The following RYR2 variants were observed in gnomAD, a reference collection of about 807,000 sequenced individuals.
RYR2 encodes ryanodine receptor 2.
Under a neutral mutation model 601.1 loss-of-function variants are expected in RYR2, and 227 were observed. The observed-to-expected ratio is 0.38, with a 90% CI of 0.34 to 0.42. The LOEUF (loss-of-function observed/expected upper bound fraction) is 0.42. Among genes scored for constraint, RYR2 ranks in the 10% least tolerant of loss-of-function variants. RYR2 has a pLI of 1.00. For synonymous variants in RYR2, 2,223 were observed against 2,175.1 expected, an observed-to-expected ratio of 1.02 and a Z score of -0.61; for missense variants, 4,646 against 6,156.5, an observed-to-expected ratio of 0.75 and a Z score of 8.21.
At chr1:237,628,874 A>G (rs1381503833) in intron 41 of RYR2, among the ~76,000 whole-genome samples, 1 of 152,098 alleles carries the variant, frequency 6.6e-6, no homozygotes, top group Admixed American at 6.5e-5. Flanking sequence ...GTCTTTATCT[A>G]TTGGGCCTTG....
chr1:237,362,054 T>C (rs2149716304), intron 4 of RYR2, among the ~76,000 whole-genome samples: 1 of 152,320 alleles, frequency 6.6e-6, no homozygotes, highest in South Asian at 2.1e-4. Flanking sequence ...GCAATAGCAA[T>C]TTCTCTTCCT....
At chr1:237,337,623 G>A (rs1463845856) in intron 3 of RYR2, among the ~76,000 whole-genome samples, 1 of 152,166 alleles carries the variant, frequency 6.6e-6, no homozygotes, top group Non-Finnish European at 1.5e-5. Flanking sequence ...AATAATATAA[G>A]TAAAGTGTGT....
Position 237,536,885 on chromosome 1 carries a change from C to CAAAAAAAAAAAAAA in RYR2, c.2906+6385_2906+6386insAAAAAAAAAAAAAA, listed in dbSNP as rs540538447. Among the ~76,000 whole-genome samples, 399 of 139,102 alleles carry CAAAAAAAAAAAAAA rather than the reference C, an allele frequency of 2.9e-3. 2 individuals are homozygous for CAAAAAAAAAAAAAA. Among genetic ancestry groups the CAAAAAAAAAAAAAA allele is most frequent in the African/African-American group, 0.01 (381 of 36,898 alleles). The allele number at this position is 139,102 out of a possible 152,430, so 91.3% of individuals were successfully genotyped here. A position where few individuals can be genotyped will look rare whatever the true frequency, so the allele number is the denominator to read the frequency against. ...TGGGCGACAGAGCGAGACTCCATCT[C>CAAAAAAAAAAAAAA]AAAAAAAAAAGACTTGCAGAACAAT... On this transcript the variant is annotated intron_variant, in intron 25 of 104. Coordinates refer to ENST00000366574, the MANE Select transcript of RYR2 (RefSeq NM_001035.3).
rs866864278 is a variant in RYR2 at position 237,669,630 on chromosome 1, A to G, written c.8590+1672A>G. Among the ~76,000 whole-genome samples the G allele has an allele frequency of 2.5e-4, 37 of 145,372 alleles. 1 individual carries two copies. Among genetic ancestry groups the G allele is most frequent in the African/African-American group, 5.5e-4 (21 of 38,528 alleles). On this transcript the variant is annotated intron_variant, in intron 58 of 104. Transcript: ENST00000366574. ...TCTCAGACGGGGCGGCCGGGCAGAG[A>G]CGCTCCTCACATCCCAGACGGGGCG...
At position 237,216,824 on chromosome 1, in the gene RYR2, C is replaced by T. The variant is rs563034626; in HGVS notation, c.49-53673C>T. On this transcript the variant is annotated intron_variant, in intron 1 of 104. Transcript: ENST00000366574. ...AAACCCCTATAATGTGTTCAATATA[C>T]TATATAGGTATTGCAATTTGAAGCA... 4.0e-5 allele frequency among the ~76,000 whole-genome samples: 6 copies of T among 151,420 alleles called. No homozygotes were observed. In the South Asian group the frequency reaches 1.0e-3, roughly 26 times the overall value.
rs1172717187 is a variant in RYR2, at chr1:237,346,359, G to A, written c.274-9606G>A. ...ACTCCGGCCTGGGCAAAGTGAGAGG[G>A]TCTACCTCAAAAAAAAAAAAAAAAA... On this transcript the variant is annotated intron_variant, in intron 3 of 104. Coordinates refer to ENST00000366574, the MANE Select transcript of RYR2 (RefSeq NM_001035.3). Among the ~76,000 whole-genome samples the A allele has an allele frequency of 2.9e-5, 3 of 102,926 alleles. No individual in the cohort carries two copies. The East Asian group carries it at 1.2e-3, about 41-fold the overall frequency. The allele number at this position is 102,926 out of a possible 152,430, so 67.5% of individuals were successfully genotyped here.
chr1:237,066,729 C>G (rs945465219), intron 1 of RYR2, among the ~76,000 whole-genome samples: 2 of 151,952 alleles, frequency 1.3e-5, no homozygotes, highest in African/African-American at 4.8e-5. Flanking sequence ...GCAAGCTCCA[C>G]CTCCCGGGTT....
chr1:237,568,097 A>G (rs1672287001), intron 28 of RYR2, among the ~76,000 whole-genome samples: 1 of 152,148 alleles, frequency 6.6e-6, no homozygotes, highest in Admixed American at 6.6e-5. Context: ...AACCTGAGGA[A>G]GTTAAAATAA....
intron 63 of RYR2, among the ~76,000 whole-genome samples, chr1:237,694,293 CAAAAAAA>C (rs35085689): frequency 1.1e-5 from 1 of 91,924 alleles, no homozygotes; most frequent in Non-Finnish European, 2.2e-5. Flanking sequence ...GACTCCCTCT[CAAAAAAA>C]AAAAAAAAAA....
At chr1:237,073,722 T>A (rs1664660142) in intron 1 of RYR2, among the ~76,000 whole-genome samples, 1 of 152,028 alleles carries the variant, frequency 6.6e-6, no homozygotes, top group Admixed American at 6.6e-5. Context: ...ATAAAAAAAA[T>A]TAGCTGGGTG....
In RYR2 at chr1:237,659,889, G is replaced by T. The variant is rs1683605024; in HGVS notation, c.8209-96G>T. 5.7e-6 allele frequency: 4 copies of T among 697,714 alleles called. No homozygotes were observed. In the East Asian group the frequency reaches 1.3e-4, roughly 23 times the overall value. The allele number at this position is 697,714 out of a possible 1,614,324, so 43.2% of individuals were successfully genotyped here. ...TAACCCTTACCTTAGTTCATTTTAG[G>T]TTTATTTTATCAAACACGCACTTAA... On this transcript the variant is annotated intron_variant, in intron 54 of 104. Transcript: ENST00000366574.
At chr1:237,476,096 G>T (rs1402818310) in intron 17 of RYR2, among the ~76,000 whole-genome samples, 1 of 152,208 alleles carries the variant, frequency 6.6e-6, no homozygotes, top group Non-Finnish European at 1.5e-5. Flanking sequence ...TTTTTGTGTA[G>T]TCTGTTCCCT....
intron 101 of RYR2, among the ~76,000 whole-genome samples, chr1:237,820,239 C>G (rs1662318466): frequency 6.7e-6 from 1 of 150,202 alleles, no homozygotes; most frequent in Non-Finnish European, 1.5e-5. Flanking sequence ...GGCAAGATGG[C>G]CAAATAGGAA....
chr1:237,601,969 T>A (rs1248537733), intron 34 of RYR2, 56 bp from the exon 35 acceptor site: 1 of 1,482,938 alleles, frequency 6.7e-7, no homozygotes, highest in Non-Finnish European at 9.2e-7. Context: ...AAGAAAAACT[T>A]TTTCCCTTGT....
intron 1 of RYR2, among the ~76,000 whole-genome samples, chr1:237,259,738 C>G (rs1357653857): frequency 1.3e-5 from 2 of 151,988 alleles, no homozygotes; most frequent in Non-Finnish European, 2.9e-5. Context: ...CTTCTTTTGC[C>G]CTTTTCACAG....
chr1:237,755,423 A>G lies in RYR2; in HGVS notation c.11146-865A>G, dbSNP rs1692869181. On this transcript the variant is annotated intron_variant, in intron 80 of 104. Coordinates refer to ENST00000366574, the MANE Select transcript of RYR2 (RefSeq NM_001035.3). Reference sequence around the variant, plus strand: ...ATACTAATTGACTGTTTCATGTCCCATTGACTAAGCTTCTCTACCACGCCA... The same window carrying G: ...ATACTAATTGACTGTTTCATGTCCCGTTGACTAAGCTTCTCTACCACGCCA... Among the ~76,000 whole-genome samples, 5 of 152,138 alleles carry G rather than the reference A, an allele frequency of 3.3e-5. No individual in the cohort carries two copies. In the South Asian group the frequency reaches 8.3e-4, roughly 25 times the overall value.
chr1:237,343,088 G>C (rs536947014), intron 3 of RYR2, among the ~76,000 whole-genome samples: 14 of 152,138 alleles, frequency 9.2e-5, no homozygotes, highest in African/African-American at 3.4e-4. Context: ...AATAGCCATA[G>C]CCAGCATACC....
intron 16 of RYR2, among the ~76,000 whole-genome samples, chr1:237,464,250 T>C (rs185030516): frequency 3.3e-5 from 5 of 152,276 alleles, no homozygotes; most frequent in Admixed American, 2.0e-4. Context: ...TAGGGGCTTA[T>C]TTGGTTACAT....
chr1:237,188,834 G>C (rs1234036932), intron 1 of RYR2, among the ~76,000 whole-genome samples: 1 of 151,994 alleles, frequency 6.6e-6, no homozygotes, highest in African/African-American at 2.4e-5. Flanking sequence ...GACTCGATGC[G>C]GACTGCCTTA....
Sources: allele counts gnomAD v4.1 joint callset (sites outside exome capture counted in the v4.1 genomes callset), GRCh38; gene constraint gnomAD v4.1.1; transcripts MANE v1.5; gene names NCBI Gene and HGNC (gene_info 2026-07-23, HGNC 2026-07-21).